The following SPAST variants were observed in gnomAD, a reference collection of about 807,000 sequenced individuals.
SPAST encodes spastin.
Under a neutral mutation model 76.6 loss-of-function variants are expected in SPAST, and 30 were observed. The ratio of observed to expected loss-of-function variants is 0.39; its 90% CI spans 0.29 to 0.53. SPAST has a LOEUF of 0.53. Among genes scored for constraint, SPAST ranks in the 20% least tolerant of loss-of-function variants. The pLI is 0.68. For missense variants in SPAST, 717 were observed against 770.5 expected (o/e 0.93, Z 0.82); for synonymous variants, 305 against 281.0 (o/e 1.09, Z -0.86).
rs1439541152 is a variant in SPAST at position 32,155,642 on chromosome 2, A to G, written c.*1146A>G. On this transcript the variant is annotated 3_prime_UTR_variant, in exon 17 of 17. Transcript: ENST00000315285. ...TGTTGATCTGCCTTTTGTTCTCCCA[A>G]AATGTACAGTAATTCCATTTGTTTG... The G allele has an allele frequency of 3.9e-5, 6 of 152,454 alleles. No homozygotes were observed. In the Admixed American group the frequency reaches 3.9e-4, roughly 10 times the overall value. The allele number at this position is 152,454 out of a possible 1,614,324, so 9.4% of individuals were successfully genotyped here.
At chr2:32,070,716 G>T (rs1676714964) in intron 1 of SPAST, among the ~76,000 whole-genome samples, 1 of 152,070 alleles carries the variant, frequency 6.6e-6, no homozygotes, top group South Asian at 2.1e-4. Context: ...TGAAGCTTCA[G>T]CCTCGCAGGC....
At chr2:32,079,418 G>A (rs1677107791) in intron 1 of SPAST, among the ~76,000 whole-genome samples, 2 of 151,872 alleles carry the variant, frequency 1.3e-5, no homozygotes, top group Admixed American at 1.3e-4. Flanking sequence ...GGCTGAGGTG[G>A]GAGAATCGCT....
chr2:32,063,969 T>G lies in SPAST; in HGVS notation c.138T>G (p.His46Gln), dbSNP rs1049586183. The G allele has an allele frequency of 1.9e-6, 3 of 1,612,100 alleles. No individual in the cohort carries two copies. The highest frequency in any genetic ancestry group is 2.5e-6 in the Non-Finnish European group (3 of 1,178,958). Residue 46 changes from histidine (H) to glutamine (Q), a missense_variant, in exon 1 of 17, where the codon CAT (histidine) becomes CAG (glutamine). His to Gln is a conservative substitution (Grantham distance 24). Transcript: ENST00000315285. ...CGGCCCCTCCGCCCGAGTCGCCGCATAAGCGGAACCTGTACTATTTCTCCT... is the reference window on the plus strand; with the variant it reads ...CGGCCCCTCCGCCCGAGTCGCCGCAGAAGCGGAACCTGTACTATTTCTCCT... ...AGPAPPPESPHKRNLYYFSYP... is the reference protein window; with the variant it reads ...AGPAPPPESPQKRNLYYFSYP...
chr2:32,152,784 G>A (rs1225405422), intron 16 of SPAST, among the ~76,000 whole-genome samples: 2 of 151,226 alleles, frequency 1.3e-5, no homozygotes, highest in Non-Finnish European at 2.9e-5. Flanking sequence ...GTATCACTCT[G>A]TCTCCCAGGC....
chr2:32,119,959 T>A (rs1678961384), intron 7 of SPAST, among the ~76,000 whole-genome samples: 1 of 152,140 alleles, frequency 6.6e-6, no homozygotes, highest in South Asian at 2.1e-4. Context: ...TATAGAAGAA[T>A]GTGATTGTTC....
intron 12 of SPAST, among the ~76,000 whole-genome samples, chr2:32,139,915 TGAG>T (rs1269744764): frequency 4.0e-5 from 6 of 150,434 alleles, no homozygotes; most frequent in African/African-American, 1.2e-4. Context: ...AGAATCTGTA[TGAG>T]GAGAAGTGTA....
chr2:32,111,396 G>GTA (rs1162800755), intron 4 of SPAST, among the ~76,000 whole-genome samples: 1 of 146,862 alleles, frequency 6.8e-6, no homozygotes, highest in Non-Finnish European at 1.5e-5. Context: ...AGCGTATAGA[G>GTA]TATATATATA....
rs574782413 is a variant in SPAST at position 32,078,182 on chromosome 2, G to C, written c.416-9310G>C. Among the ~76,000 whole-genome samples, 1,036 of 152,082 alleles carry C rather than the reference G, an allele frequency of 6.8e-3. 6 individuals are homozygous for C. The highest frequency in any genetic ancestry group is 0.012 in the Non-Finnish European group (788 of 67,990). On this transcript the variant is annotated intron_variant, in intron 1 of 16. Coordinates refer to ENST00000315285, the MANE Select transcript of SPAST (RefSeq NM_014946.4). ...ATTTTTTGTATTTTTAGTAGAGACG[G>C]GGTTTCACCGTTTTAGCCGGGATGG...
chr2:32,095,622 CTACT>C (rs1453538049), intron 3 of SPAST, among the ~76,000 whole-genome samples: 1 of 151,230 alleles, frequency 6.6e-6, no homozygotes, highest in Non-Finnish European at 1.5e-5. Context: ...GTAGTCCTAG[CTACT>C]TACTTGGGAG....
intron 4 of SPAST, among the ~76,000 whole-genome samples, chr2:32,109,961 T>C (rs944990522): frequency 2.2e-5 from 3 of 138,376 alleles, no homozygotes; most frequent in African/African-American, 7.9e-5. Context: ...TATGTATATG[T>C]ATATGTATAT....
intron 4 of SPAST, among the ~76,000 whole-genome samples, chr2:32,108,534 G>T (rs1401833596): frequency 2.0e-5 from 3 of 149,920 alleles, no homozygotes; most frequent in African/African-American, 4.9e-5. Flanking sequence ...ATTTTTTTTT[G>T]AGATAGGGTC....
chr2:32,112,770 TA>T (rs1678665829), intron 4 of SPAST, among the ~76,000 whole-genome samples: 1 of 152,186 alleles, frequency 6.6e-6, no homozygotes, highest in African/African-American at 2.4e-5. Flanking sequence ...TATACTAGTT[TA>T]GAGTCTTTAG....
chr2:32,093,267 C>A (rs1049419840), intron 3 of SPAST, among the ~76,000 whole-genome samples: 1 of 145,126 alleles, frequency 6.9e-6, no homozygotes, highest in Non-Finnish European at 1.5e-5. Context: ...GCCGAGATCC[C>A]GCCACTGCAC....
At chr2:32,090,002 G>T (rs1041341852) in intron 3 of SPAST, among the ~76,000 whole-genome samples, 5 of 152,180 alleles carry the variant, frequency 3.3e-5, no homozygotes, top group Non-Finnish European at 5.9e-5. Context: ...CTGACCTCGT[G>T]ATCCACCCGC....
At chr2:32,143,502 G>A (rs922907234) in intron 14 of SPAST, 87 bp downstream of exon 14, 15 of 817,098 alleles carry the variant, frequency 1.8e-5, no homozygotes, top group Non-Finnish European at 3.0e-5. Flanking sequence ...GTAATCTTAA[G>A]TATGAAATGA....
At chr2:32,067,265 T>C (rs897064375) in intron 1 of SPAST, among the ~76,000 whole-genome samples, 2 of 152,166 alleles carry the variant, frequency 1.3e-5, no homozygotes, top group African/African-American at 4.8e-5. Flanking sequence ...TTCCACCATG[T>C]TGGCCAGGCT....
rs549064376 is a variant in SPAST at position 32,105,764 on chromosome 2, T to G, written c.682+6873T>G. 3.3e-5 allele frequency among the ~76,000 whole-genome samples: 5 copies of G among 152,342 alleles called. No homozygotes were observed. The East Asian group carries it at 9.6e-4, about 29-fold the overall frequency. Reference sequence around the variant, plus strand: ...TTGCCTGGGTATCACCAGCGGAGGCTGCAGAACAGCAAATGTTGCAGAACG... The same window carrying G: ...TTGCCTGGGTATCACCAGCGGAGGCGGCAGAACAGCAAATGTTGCAGAACG... On this transcript the variant is annotated intron_variant, in intron 4 of 16. Coordinates refer to ENST00000315285, the MANE Select transcript of SPAST (RefSeq NM_014946.4).
intron 9 of SPAST, 138 bp from the exon 10 acceptor site, chr2:32,136,425 C>A: frequency 1.4e-6 from 1 of 695,782 alleles, no homozygotes. Context: ...GTAGTACTCT[C>A]CCCTTTCTCA....
intron 4 of SPAST, among the ~76,000 whole-genome samples, chr2:32,099,096 T>C (rs928771604): frequency 6.6e-6 from 1 of 152,204 alleles, no homozygotes; most frequent in Non-Finnish European, 1.5e-5. Context: ...ACTTGCTTTA[T>C]TTGCATATTT....
Sources: gnomAD v4.1 joint callset for allele counts (sites outside exome capture counted in the v4.1 genomes callset) on GRCh38, gnomAD v4.1.1 for gene constraint, MANE v1.5 for transcripts, NCBI Gene and HGNC (gene_info 2026-07-23, HGNC 2026-07-21) for gene names.